VPS13D: variants seen among roughly 807,000 people sequenced by gnomAD.
VPS13D encodes vacuolar protein sorting 13 homolog D.
Under a neutral mutation model 461.9 loss-of-function variants are expected in VPS13D, and 187 were observed. The ratio of observed to expected loss-of-function variants is 0.40; its 90% confidence interval spans 0.36 to 0.46. VPS13D has a LOEUF of 0.46. Among genes scored for constraint, VPS13D ranks in the 20% least tolerant of loss-of-function variants. The pLI is 0.60. For missense variants in VPS13D, 4,711 were observed against 5,364.9 expected (o/e 0.88, Z 3.81); for synonymous variants, 1,951 against 1,986.3 (o/e 0.98, Z 0.47).
Position 12,401,715 on chromosome 1 carries a change from A to G in VPS13D, c.11881+11A>G, listed in dbSNP as rs1459530993. 1.2e-6 allele frequency: 2 copies of G among 1,607,404 alleles called. No individual in the cohort carries two copies. Among genetic ancestry groups the G allele is most frequent in the Non-Finnish European group, 1.7e-6 (2 of 1,174,468 alleles). On this transcript the variant is annotated intron_variant, in intron 62 of 69. Transcript: ENST00000620676. ...ATCAAGCAGAATCAGGTAATGTTGA[A>G]TGTTCTATGTCTGTGTTTGGGAATT...
At chr1:12,322,494 A>G (rs1483703882) in intron 33 of VPS13D, 42 bp from the exon 34 acceptor site, 4 of 1,595,014 alleles carry the variant, frequency 2.5e-6, no homozygotes, top group Non-Finnish European at 3.4e-6. Context: ...TGTAAAACCA[A>G]TGCAGCTTTA....
At chr1:12,483,560 G>A (rs182749243) in intron 67 of VPS13D, among the ~76,000 whole-genome samples, 59 of 152,028 alleles carry the variant, frequency 3.9e-4, no homozygotes, top group African/African-American at 1.4e-3. Context: ...TGTCATCCAT[G>A]TAAGTACATA....
intron 29 of VPS13D, 121 bp from the exon 30 acceptor site, chr1:12,313,994 T>G: frequency 1.3e-6 from 1 of 793,452 alleles, no homozygotes; most frequent in Non-Finnish European, 2.0e-6. Context: ...AGAATGAAAG[T>G]TATTCTCCTT....
chr1:12,261,254 C>T, intron 12 of VPS13D, 105 bp downstream of exon 12: 3 of 1,356,580 alleles, frequency 2.2e-6, no homozygotes, highest in Non-Finnish European at 3.1e-6. Context: ...ATTTGGAGAA[C>T]AGTTTATGTT....
chr1:12,244,644 T>A (rs753906010), intron 5 of VPS13D, 27 bp downstream of exon 5: 1 of 1,595,088 alleles, frequency 6.3e-7, no homozygotes, highest in Non-Finnish European at 8.6e-7. Context: ...TTTATAAAAG[T>A]ATCAACGTGA....
chr1:12,394,295 T>C (rs1210844413), intron 60 of VPS13D, among the ~76,000 whole-genome samples: 1 of 152,184 alleles, frequency 6.6e-6, no homozygotes, highest in Non-Finnish European at 1.5e-5. Flanking sequence ...TTGTATAAAT[T>C]AAGTAGGAAT....
intron 67 of VPS13D, among the ~76,000 whole-genome samples, chr1:12,493,679 G>A (rs1476964681): frequency 1.3e-5 from 2 of 152,176 alleles, no homozygotes; most frequent in South Asian, 2.1e-4. Flanking sequence ...GAAGAAAACA[G>A]CGTCGTCACA....
At chr1:12,294,719 G>A (rs929601974) in intron 24 of VPS13D, among the ~76,000 whole-genome samples, 29 of 152,134 alleles carry the variant, frequency 1.9e-4, no homozygotes, top group African/African-American at 6.5e-4. Flanking sequence ...GGCTAAGGCA[G>A]GAGAATCGCT....
rs1341247208 is a variant in VPS13D, at chr1:12,502,797, G to A, written c.12795-4056G>A. Among the ~76,000 whole-genome samples the A allele has an allele frequency of 1.3e-5, 2 of 152,236 alleles. No individual in the cohort carries two copies. The highest frequency in any genetic ancestry group is 3.9e-4 in the East Asian group (2 of 5,176). On this transcript the variant is annotated intron_variant, in intron 68 of 69. Coordinates refer to ENST00000620676, the MANE Select transcript of VPS13D (RefSeq NM_015378.4). This position sits in a 1 kb window ranked among gnomAD's most constrained non-coding sequence, Gnocchi z 4.3. ...AATCTGCTGATGAGAGGATGTGTGG[G>A]GAAAGGAGGGGTCATCCCCCACAGG...
intron 22 of VPS13D, among the ~76,000 whole-genome samples, chr1:12,289,282 C>T (rs1642058067): frequency 6.6e-6 from 1 of 151,716 alleles, no homozygotes; most frequent in Non-Finnish European, 1.5e-5. Context: ...AGGGTTTCGC[C>T]ATGTTGGCCA....
intron 68 of VPS13D, 150 bp downstream of exon 68, chr1:12,497,781 A>C: frequency 9.6e-7 from 1 of 1,036,374 alleles, no homozygotes. Flanking sequence ...TGTTTTTTAG[A>C]TTTAGATATA....
intron 12 of VPS13D, 79 bp downstream of exon 12, chr1:12,261,228 T>C: frequency 6.5e-7 from 1 of 1,544,652 alleles, no homozygotes; most frequent in South Asian, 1.2e-5. Flanking sequence ...ATTTTTCAAA[T>C]TTAACAAAAG....
In VPS13D at chr1:12,497,717, T is replaced by G; in HGVS notation, c.12794+86T>G. ...CTGAGAAGTCTCCATCTGATCTGAG[T>G]TATTTTCATGACTCTTGGACCTTAG... is the stretch of plus-strand genomic sequence containing the variant. On this transcript the variant is annotated intron_variant, in intron 68 of 69. Coordinates refer to ENST00000620676, the MANE Select transcript of VPS13D (RefSeq NM_015378.4). 2.7e-6 allele frequency: 4 copies of G among 1,478,166 alleles called. No homozygotes were observed. In the South Asian group the frequency reaches 4.0e-5, roughly 15 times the overall value. The allele number at this position is 1,478,166 out of a possible 1,614,324, so 91.6% of individuals were successfully genotyped here. A position where few individuals can be genotyped will look rare whatever the true frequency, so the allele number is the denominator to read the frequency against.
intron 25 of VPS13D, among the ~76,000 whole-genome samples, chr1:12,301,129 G>T (rs895734014): frequency 6.6e-6 from 1 of 152,202 alleles, no homozygotes; most frequent in African/African-American, 2.4e-5. Flanking sequence ...CCAGTGCTGT[G>T]CTCTTTACAT....
chr1:12,472,149 G>A (rs961943914), intron 67 of VPS13D, among the ~76,000 whole-genome samples: 2 of 151,896 alleles, frequency 1.3e-5, no homozygotes, highest in African/African-American at 4.8e-5. Context: ...ATTTGTTTTG[G>A]TCTTTTTCTT....
chr1:12,356,456 G>A lies in VPS13D; in HGVS notation c.9930G>A (p.Glu3310=). 1 of 1,614,104 alleles carries A rather than the reference G, an allele frequency of 6.2e-7. No individual in the cohort carries two copies. The highest frequency in any genetic ancestry group is 8.5e-7 in the Non-Finnish European group (1 of 1,180,022). The change falls in exon 49 of 70, where the codon GAG becomes GAA. Residue 3310 remains glutamate (E), a synonymous_variant. Transcript: ENST00000620676. ...NAKTDAAGQF[E]EHELARSLSP... The stretch of plus-strand genomic sequence containing the variant: ...AGACAGATGCTGCAGGCCAGTTTGA[G>A]GAGCATGAGCTGGCCCGTAGCCTGA...
chr1:12,414,977 C>T, intron 63 of VPS13D, 110 bp from the exon 64 acceptor site: 5 of 1,295,596 alleles, frequency 3.9e-6, no homozygotes, highest in Admixed American at 4.7e-5. Flanking sequence ...AAAACCTGAC[C>T]CTCATTCGAA....
chr1:12,503,964 A>T (rs1646069825), intron 68 of VPS13D, among the ~76,000 whole-genome samples: 1 of 152,128 alleles, frequency 6.6e-6, no homozygotes, highest in Admixed American at 6.6e-5. Context: ...AGGGAACGGA[A>T]GAAGGTGCAG....
intron 27 of VPS13D, 76 bp from the exon 28 acceptor site, chr1:12,311,378 C>T (rs962489502): frequency 7.8e-6 from 11 of 1,410,490 alleles, no homozygotes; most frequent in African/African-American, 7.2e-5. Flanking sequence ...ATTTTAGCCC[C>T]GTTGTTTGGG....
Sources: allele counts gnomAD v4.1 joint callset (sites outside exome capture counted in the v4.1 genomes callset), GRCh38; gene constraint gnomAD v4.1.1; non-coding constraint Gnocchi (gnomAD v3.1); transcripts MANE v1.5; gene names NCBI Gene and HGNC (gene_info 2026-07-23, HGNC 2026-07-21).